EXOC7: variants seen among roughly 807,000 people sequenced by gnomAD.
EXOC7 encodes the protein exocyst complex component Exo70.
In EXOC7, 51 loss-of-function variants were observed where a neutral mutation model predicts 87.6. The ratio of observed to expected loss-of-function variants is 0.58; its 90% CI spans 0.46 to 0.73. The LOEUF (loss-of-function observed/expected upper bound fraction) is 0.73. Ranked by LOEUF, EXOC7 falls within the 30% of genes least tolerant of loss-of-function variation. EXOC7 has a pLI of 0.00. For missense variants in EXOC7, 744 were observed against 888.4 expected (o/e 0.84, Z 2.07); for synonymous variants, 327 against 357.1 (o/e 0.92, Z 0.95).
chr17:76,088,744 G>A (rs1431170367), intron 9 of EXOC7, 27 bp downstream of exon 9: 1 of 1,612,598 alleles, frequency 6.2e-7, no homozygotes, highest in Non-Finnish European at 8.5e-7. Flanking sequence ...TCCTGGCTGT[G>A]TTTTTGAGGG....
chr17:76,101,883 TG>T lies in EXOC7; in HGVS notation c.127-21del. On this transcript the variant is annotated intron_variant, in intron 2 of 18. Transcript: ENST00000589210. ...AGACACCTGCGGGAGGGAAGCCTCT[TG>T]ATCTTGGGACTCACAGTGGTCCCAG... 1.3e-6 allele frequency: 2 copies of T among 1,598,206 alleles called. No individual in the cohort carries two copies. The highest frequency in any genetic ancestry group is 1.7e-6 in the Non-Finnish European group (2 of 1,171,700).
Position 76,086,286 on chromosome 17 carries a change from A to G in EXOC7, c.1430-141T>C, listed in dbSNP as rs2067208831. The G allele has an allele frequency of 9.5e-6, 8 of 839,490 alleles. No homozygotes were observed. In the South Asian group the frequency reaches 1.2e-4, roughly 12 times the overall value. 52.0% of individuals were successfully genotyped at this position (839,490 alleles called of 1,614,324 possible). ...GGCAGAGCTGGCTGCCTGCTAAGCC[A>G]CAGGGTGGCCCCTGCCGCAGGAAGC... is the stretch of plus-strand genomic sequence containing the variant. On this transcript the variant is annotated intron_variant, in intron 12 of 18. Transcript: ENST00000589210.
Position 76,103,704 on chromosome 17 carries a change from C to A in EXOC7, c.-12G>T, listed in dbSNP as rs934916021. ...TGTGGGGGAATCATCGCTCTGAACC[C>A]CGCGGCTCCCACTCCCCAGTATCTT... On this transcript the variant is annotated 5_prime_UTR_variant, in exon 1 of 19. Transcript: ENST00000589210. 3.1e-6 allele frequency: 5 copies of A among 1,601,634 alleles called. No individual in the cohort carries two copies. In the East Asian group the frequency reaches 1.1e-4, roughly 36 times the overall value.
In EXOC7 at chr17:76,081,564, C is replaced by T. The variant is rs202074550; in HGVS notation, c.*2084G>A. The T allele has an allele frequency of 3.5e-5, 57 of 1,613,692 alleles. No individual in the cohort carries two copies. Among genetic ancestry groups the T allele is most frequent in the East Asian group, 2.9e-4 (13 of 44,878 alleles). On this transcript the variant is annotated 3_prime_UTR_variant, in exon 19 of 19. Coordinates refer to ENST00000589210, the MANE Select transcript of EXOC7 (RefSeq NM_001013839.4). ...TTCCAGCTGAGGCTGAAGAACACGG[C>T]GCTCAAGTCCATCATCGCTCTCTTG...
intron 12 of EXOC7, chr17:76,086,933 A>G (rs1181342087): frequency 6.5e-7 from 1 of 1,534,006 alleles, no homozygotes; most frequent in Non-Finnish European, 8.8e-7. Context: ...GGACAGAGGG[A>G]GAGACAAAGG....
chr17:76,085,453 T>C, intron 14 of EXOC7, 44 bp from the exon 15 acceptor site: 1 of 1,573,578 alleles, frequency 6.4e-7, no homozygotes, highest in Non-Finnish European at 8.6e-7. Flanking sequence ...CAGGATTGGC[T>C]CCTCAGGCCC....
chr17:76,085,795 T>G lies in EXOC7; in HGVS notation c.1498A>C (p.Lys500Gln). 1 of 1,611,662 alleles carries G rather than the reference T, an allele frequency of 6.2e-7. No homozygotes were observed. The highest frequency in any genetic ancestry group is 8.5e-7 in the Non-Finnish European group (1 of 1,178,998). ...TTCAACTGCAGGTTGCCCAGCACTTTACCTGCACAGGGAAAAATGGGGCCA... is the reference window on the plus strand; with the variant it reads ...TTCAACTGCAGGTTGCCCAGCACTTGACCTGCACAGGGAAAAATGGGGCCA... ...SKRLLSTYIC[K>Q]VLGNLQLNLL... Residue 500 changes from lysine (K) to glutamine (Q), a missense_variant and splice_region_variant, in exon 14 of 19, where the codon AAA becomes CAA. Physicochemically the swap from Lys to Gln is moderately conservative, Grantham distance 53. Coordinates refer to ENST00000589210, the MANE Select transcript of EXOC7 (RefSeq NM_001013839.4).
chr17:76,083,430 A>G lies in EXOC7; in HGVS notation c.*218T>C, dbSNP rs969652286. The G allele has an allele frequency of 4.2e-5, 24 of 568,644 alleles. No homozygotes were observed. In the Admixed American group the frequency reaches 7.0e-4, roughly 17 times the overall value. The allele number at this position is 568,644 out of a possible 1,614,324, so 35.2% of individuals were successfully genotyped here. A position where few individuals can be genotyped will look rare whatever the true frequency, so the allele number is the denominator to read the frequency against. ...AAAAGCCAAGGTGTGGAGGGACCCC[A>G]GGCTTCCGGGAGAGTGCTGGTTCGG... is the stretch of plus-strand genomic sequence containing the variant. On this transcript the variant is annotated 3_prime_UTR_variant, in exon 19 of 19. Coordinates refer to ENST00000589210, the MANE Select transcript of EXOC7 (RefSeq NM_001013839.4).
At chr17:76,090,336 C>T (rs917674422) in intron 7 of EXOC7, 17 of 1,551,024 alleles carry the variant, frequency 1.1e-5, no homozygotes, top group African/African-American at 4.1e-5. Context: ...CACCGGCCAG[C>T]GGCCCGTGCT....
At chr17:76,096,184 T>G (rs1416453796) in intron 5 of EXOC7, among the ~76,000 whole-genome samples, 2 of 152,134 alleles carry the variant, frequency 1.3e-5, no homozygotes, top group Non-Finnish European at 1.5e-5. Flanking sequence ...ACTTGGTATG[T>G]GTACACACAA....
rs1598291377 is a variant in EXOC7, at chr17:76,084,068, C to T, written c.1890G>A (p.Arg630=). The change falls in exon 18 of 19, where the codon AGG becomes AGA. Residue 630 remains arginine, a synonymous_variant. Coordinates refer to ENST00000589210, the MANE Select transcript of EXOC7 (RefSeq NM_001013839.4). The part of the protein sequence containing the change: ...KAWAIPDTEQ[R]DRIRQAQKTI... ...TCTTCTGGGCCTGGCGAATCCTGTCCCTCTGCTCTGTGTCTGGAATAGCCC... is the reference window on the plus strand; with the variant it reads ...TCTTCTGGGCCTGGCGAATCCTGTCTCTCTGCTCTGTGTCTGGAATAGCCC... 1 of 1,610,794 alleles carries T rather than the reference C, an allele frequency of 6.2e-7. No individual in the cohort carries two copies. The highest frequency in any genetic ancestry group is 8.5e-7 in the Non-Finnish European group (1 of 1,179,014).
In EXOC7 at chr17:76,101,761, C is replaced by A; in HGVS notation, c.229G>T (p.Val77Phe). 1 of 1,614,140 alleles carries A rather than the reference C, an allele frequency of 6.2e-7. No individual in the cohort carries two copies. The highest frequency in any genetic ancestry group is 8.5e-7 in the Non-Finnish European group (1 of 1,180,020). The part of the protein sequence containing the change: ...TENLQRLQEN[V>F]EKTLSCLDHV... ...TCCAGGCAGGACAGCGTCTTCTCAACATTCTCCTGCAGCCGCTGCAGATTC... is the reference window on the plus strand; with the variant it reads ...TCCAGGCAGGACAGCGTCTTCTCAAAATTCTCCTGCAGCCGCTGCAGATTC... The change falls in exon 3 of 19, where the codon GTT becomes TTT. Residue 77 changes from valine to phenylalanine, a missense_variant. By Grantham distance (50) the Val-to-Phe change is conservative. Around this residue, in one of 3 missense-constraint regions of EXOC7, gnomAD observed 512 missense variants for 573.0 expected, o/e 0.89. Transcript: ENST00000589210.
chr17:76,088,902 G>A lies in EXOC7; in HGVS notation c.1069C>T (p.Leu357Phe), dbSNP rs765982377. 12 of 1,613,274 alleles carry A rather than the reference G, an allele frequency of 7.4e-6. No homozygotes were observed. Among genetic ancestry groups the A allele is most frequent in the Non-Finnish European group, 9.3e-6 (11 of 1,180,014 alleles). ...GCAGACACGATGTTCTCCCCTTCAA[G>A]CATCAGCCCATCCAGGGCATCCTGA... ...LIQDALDGLM[L>F]EGENIVSAAR... The change falls in exon 9 of 19, where the codon CTT (leucine) becomes TTT (phenylalanine). Residue 357 changes from leucine (L) to phenylalanine (F), a missense_variant. Transcript: ENST00000589210.
intron 7 of EXOC7, chr17:76,090,407 T>C: frequency 1.9e-6 from 3 of 1,551,672 alleles, no homozygotes; most frequent in South Asian, 2.4e-5. Flanking sequence ...CCTGGCGAGA[T>C]GTCGGCCGCA....
Position 76,084,041 on chromosome 17 carries a change from G to C in EXOC7, c.1917C>G (p.Thr639=). Residue 639 remains threonine, a synonymous_variant, in exon 18 of 19, where the codon ACC becomes ACG. Transcript: ENST00000589210. ...QRDRIRQAQK[T]IVKETYGAFL... ...AGGCCCCGTAGGTCTCCTTGACAAT[G>C]GTCTTCTGGGCCTGGCGAATCCTGT... is the stretch of plus-strand genomic sequence containing the variant. 6.2e-7 allele frequency: 1 copy of C among 1,606,066 alleles called. No individual in the cohort carries two copies.
rs763953146 is a variant in EXOC7 at position 76,082,485 on chromosome 17, G to T, written c.*1163C>A. ...CAGAGCCCTCCAGAGGAGTAAAGGG[G>T]TCACAGAGAAGCTGGCCTGAGACTG... On this transcript the variant is annotated 3_prime_UTR_variant, in exon 19 of 19. Transcript: ENST00000589210. The T allele has an allele frequency of 6.2e-7, 1 of 1,613,004 alleles. No individual in the cohort carries two copies. Among genetic ancestry groups the T allele is most frequent in the Non-Finnish European group, 8.5e-7 (1 of 1,179,590 alleles).
chr17:76,103,277 C>A, intron 2 of EXOC7, 84 bp downstream of exon 2: 1 of 1,307,858 alleles, frequency 7.6e-7, no homozygotes, highest in Non-Finnish European at 1.1e-6. Flanking sequence ...AACTCCAGGC[C>A]GCAGGAACCG....
At chr17:76,091,916 G>T (rs145506754) in intron 6 of EXOC7, among the ~76,000 whole-genome samples, 1 of 152,336 alleles carries the variant, frequency 6.6e-6, no homozygotes, top group Non-Finnish European at 1.5e-5. Context: ...GGTGTGCACG[G>T]AAGGAGAGGG....
In EXOC7 at chr17:76,087,283, C is replaced by T. The variant is rs1160829999; in HGVS notation, c.1429+371G>A. The T allele has an allele frequency of 1.0e-5, 4 of 390,762 alleles. No individual in the cohort carries two copies. In the East Asian group the frequency reaches 2.1e-4, roughly 20 times the overall value. The allele number at this position is 390,762 out of a possible 1,614,324, so 24.2% of individuals were successfully genotyped here. ...CGCCCAGCGGGCCCTGAGACACTTG[C>T]TACCCTCTGAAGGCCAGCTGAGCGA... On this transcript the variant is annotated intron_variant, in intron 12 of 18. Coordinates refer to ENST00000589210, the MANE Select transcript of EXOC7 (RefSeq NM_001013839.4).
Sources: allele counts gnomAD v4.1 joint callset (sites outside exome capture counted in the v4.1 genomes callset), GRCh38; gene constraint gnomAD v4.1.1; regional missense constraint gnomAD v4.1.1; transcripts MANE v1.5; gene names NCBI Gene and HGNC (gene_info 2026-07-23, HGNC 2026-07-21).